The following KIF17 variants were observed in gnomAD, a reference collection of about 807,000 sequenced individuals.
The protein encoded by KIF17 is kinesin family member 17.
KIF17 carries 80 observed loss-of-function variants against 96.8 expected under a neutral mutation model. The observed-to-expected ratio is 0.83, with a 90% confidence interval of 0.69 to 1.00. The LOEUF (loss-of-function observed/expected upper bound fraction) is 1.00, where lower values mean the gene tolerates loss of function less well. Among genes scored for constraint, KIF17 ranks in the 50% least tolerant of loss-of-function variants. The pLI is 0.00. For synonymous variants in KIF17, 567 were observed against 587.5 expected (o/e 0.97, Z 0.51); for missense variants, 1,280 against 1,372.9 (o/e 0.93, Z 1.07).
chr1:20,668,179 A>G (rs571057814), intron 13 of KIF17, among the ~76,000 whole-genome samples: 5 of 151,296 alleles, frequency 3.3e-5, no homozygotes, highest in East Asian at 2.0e-4. Context: ...GCATGGTGGC[A>G]GGCACCTGTA....
chr1:20,691,107 GC>G (rs1557594741), intron 6 of KIF17, among the ~76,000 whole-genome samples: 2 of 151,818 alleles, frequency 1.3e-5, no homozygotes, highest in African/African-American at 2.4e-5. Flanking sequence ...GACCAGCCTG[GC>G]CAACATGGCG....
chr1:20,678,001 G>T lies in KIF17; in HGVS notation c.2463+4652C>A, dbSNP rs550923006. On this transcript the variant is annotated intron_variant, in intron 11 of 14. Transcript: ENST00000400463. ...AAAGAGATGGCACGTGTGTTCTTGT[G>T]TGTGTGTATATTGGTCTGTTTTTAC... Among the ~76,000 whole-genome samples the T allele has an allele frequency of 2.0e-5, 3 of 152,374 alleles. No homozygotes were observed. In the South Asian group the frequency reaches 6.2e-4, roughly 32 times the overall value.
In KIF17 at chr1:20,673,385, G is replaced by C. The variant is rs2053682468; in HGVS notation, c.2464-1189C>G. Among the ~76,000 whole-genome samples, 3 of 151,648 alleles carry C rather than the reference G, an allele frequency of 2.0e-5. No individual in the cohort carries two copies. In the South Asian group the frequency reaches 6.2e-4, roughly 32 times the overall value. On this transcript the variant is annotated intron_variant, in intron 11 of 14. Coordinates refer to ENST00000400463, the MANE Select transcript of KIF17 (RefSeq NM_001122819.3). ...TAACAATGTTCCATTTCTTTTGTTT[G>C]TTTGTTTGTTTGTTTGTTTTAAATA...
chr1:20,677,166 G>A (rs531556699), intron 11 of KIF17, among the ~76,000 whole-genome samples: 8 of 152,316 alleles, frequency 5.3e-5, no homozygotes, highest in Non-Finnish European at 1.0e-4. Flanking sequence ...AGCTGTGATC[G>A]TGCCACTGCA....
intron 11 of KIF17, among the ~76,000 whole-genome samples, chr1:20,673,371 C>T (rs1024694132): frequency 1.5e-5 from 2 of 132,366 alleles, no homozygotes; most frequent in African/African-American, 5.3e-5. Flanking sequence ...AACAATGTTC[C>T]ATTTCTTTTG....
intron 11 of KIF17, among the ~76,000 whole-genome samples, chr1:20,679,769 A>G (rs2053799047): frequency 1.3e-5 from 2 of 152,140 alleles, no homozygotes; most frequent in South Asian, 2.1e-4. Context: ...AACACCTGAA[A>G]TGAGTGTGGA....
Position 20,687,690 on chromosome 1 carries a change from C to T in KIF17, c.1636G>A (p.Glu546Lys). The T allele has an allele frequency of 6.2e-7, 1 of 1,614,212 alleles. No individual in the cohort carries two copies. ...GGGAAAGCCTCGGACACAGAGGTTT[C>T]TTCGAGCGAGGATGACTCACTGGAG... Reference protein sequence around the residue: ...LGSSESSSLEETSVSEAFPGP... With the variant: ...LGSSESSSLEKTSVSEAFPGP... Residue 546 changes from glutamate (E) to lysine (K), a missense_variant, in exon 8 of 15, where the codon GAA (glutamate) becomes AAA (lysine). Physicochemically the swap from Glu to Lys is moderately conservative, Grantham distance 56 (BLOSUM62 1). Transcript: ENST00000400463. This position sits in a 1 kb window ranked among gnomAD's most constrained non-coding sequence, Gnocchi z 4.4.
In KIF17 at chr1:20,709,900, C is replaced by T. The variant is rs2154537552; in HGVS notation, c.481-72G>A. The T allele has an allele frequency of 6.9e-7, 1 of 1,457,736 alleles. No homozygotes were observed. 90.3% of individuals were successfully genotyped at this position (1,457,736 alleles called of 1,614,324 possible). A position where few individuals can be genotyped will look rare whatever the true frequency, so the allele number is the denominator to read the frequency against. On this transcript the variant is annotated intron_variant, in intron 3 of 14. Coordinates refer to ENST00000400463, the MANE Select transcript of KIF17 (RefSeq NM_001122819.3). The surrounding 1 kb of genome is among the most constrained non-coding windows in gnomAD (Gnocchi z 4.7). ...GTTAGGACCAGGGATGGTCAAGGAA[C>T]CAGAGAGAAGGGCCCCATCCAGACC...
rs2054221904 is a variant in KIF17, at chr1:20,700,857, G to A, written c.1124-2369C>T. ...TCCCCCTGCCCTGAACAGGCCCAGG[G>A]CCAGGCAGAGACAACCAGGAACAGC... On this transcript the variant is annotated intron_variant, in intron 5 of 14. Transcript: ENST00000400463. This position sits in a 1 kb window ranked among gnomAD's most constrained non-coding sequence, Gnocchi z 4.6. 6.6e-6 allele frequency among the ~76,000 whole-genome samples: 1 copy of A among 152,114 alleles called. No individual in the cohort carries two copies. Among genetic ancestry groups the A allele is most frequent in the African/African-American group, 2.4e-5 (1 of 41,428 alleles).
intron 10 of KIF17, among the ~76,000 whole-genome samples, chr1:20,683,231 C>T (rs1041365356): frequency 1.3e-5 from 2 of 152,220 alleles, no homozygotes; most frequent in Admixed American, 1.3e-4. Context: ...ATGAGAAGAA[C>T]CCTGGGTTGT....
At chr1:20,702,353 G>A (rs2054252885) in intron 5 of KIF17, among the ~76,000 whole-genome samples, 1 of 152,208 alleles carries the variant, frequency 6.6e-6, no homozygotes. Context: ...CCTGGGGGCT[G>A]CCTCCATCAC....
chr1:20,713,550 T>C lies in KIF17; in HGVS notation c.384A>G (p.Ala128=). The C allele has an allele frequency of 6.2e-7, 1 of 1,610,730 alleles. No homozygotes were observed. The highest frequency in any genetic ancestry group is 8.5e-7 in the Non-Finnish European group (1 of 1,177,988). Residue 128 remains alanine (A), a synonymous_variant, in exon 3 of 15, where the codon GCA becomes GCG. Coordinates refer to ENST00000400463, the MANE Select transcript of KIF17 (RefSeq NM_001122819.3). ...FEHVFESVQC[A]ENTKFLVRAS... ...CCCGGACCAGGAACTTAGTGTTCTC[T>C]GCACACTGCAGGGAGTACACAGAAA...
intron 5 of KIF17, among the ~76,000 whole-genome samples, chr1:20,702,659 T>C (rs1228104570): frequency 6.6e-6 from 1 of 152,160 alleles, no homozygotes; most frequent in Non-Finnish European, 1.5e-5. Context: ...CCTTAGAGTT[T>C]TATGCATCTC....
intron 6 of KIF17, among the ~76,000 whole-genome samples, chr1:20,691,358 C>A (rs2054036325): frequency 6.6e-6 from 1 of 151,936 alleles, no homozygotes; most frequent in Admixed American, 6.6e-5. Context: ...TGTTGCCCAG[C>A]TTGGTCTTAA....
At chr1:20,675,653 C>T (rs568031670) in intron 11 of KIF17, among the ~76,000 whole-genome samples, 1 of 152,108 alleles carries the variant, frequency 6.6e-6, no homozygotes, top group East Asian at 1.9e-4. Context: ...ATTTTGAGTC[C>T]CTTGAATTTC....
intron 5 of KIF17, among the ~76,000 whole-genome samples, chr1:20,702,621 C>A (rs2054256357): frequency 1.3e-5 from 2 of 152,210 alleles, no homozygotes; most frequent in African/African-American, 4.8e-5. Flanking sequence ...AGGCAGCCAG[C>A]AGAGGGCTTT....
chr1:20,681,699 T>A (rs1033579115), intron 11 of KIF17, among the ~76,000 whole-genome samples: 3 of 152,034 alleles, frequency 2.0e-5, no homozygotes, highest in African/African-American at 7.2e-5. Context: ...CTCACTCCCT[T>A]TCTCCAGCCA....
intron 1 of KIF17, 102 bp downstream of exon 1, chr1:20,717,374 G>C: frequency 2.2e-6 from 3 of 1,366,338 alleles, no homozygotes; most frequent in East Asian, 2.4e-5. Context: ...TGCGCCCCTC[G>C]AGGGCCTTTC....
In KIF17 at chr1:20,671,977, T is replaced by C. The variant is rs1233422608; in HGVS notation, c.2683A>G (p.Ile895Val). ...CWDEDNGFWK[I>V]PHPVITKTSL... ...GTTTTTGTGATGACGGGATGTGGGA[T>C]CTTCCAGAAGCCGTTATCTTCGTCC... The change falls in exon 12 of 15, where the codon ATC becomes GTC. Residue 895 changes from isoleucine (I) to valine (V), a missense_variant. By Grantham distance (29) the Ile-to-Val change is conservative. Transcript: ENST00000400463. The C allele has an allele frequency of 6.2e-7, 1 of 1,613,992 alleles. No homozygotes were observed. Among genetic ancestry groups the C allele is most frequent in the Non-Finnish European group, 8.5e-7 (1 of 1,180,044 alleles).
Sources: gnomAD v4.1 joint callset for allele counts (sites outside exome capture counted in the v4.1 genomes callset) on GRCh38, gnomAD v4.1.1 for gene constraint, Gnocchi (gnomAD v3.1) non-coding constraint, MANE v1.5 for transcripts, NCBI Gene and HGNC (gene_info 2026-07-23, HGNC 2026-07-21) for gene names.